LYSMD4: variants seen among roughly 807,000 people sequenced by gnomAD.
LYSMD4 encodes LysM domain containing 4.
In LYSMD4, 9 loss-of-function variants were observed where a neutral mutation model predicts 6.1. The observed-to-expected ratio is 1.47, with a 90% CI of 0.88 to 2.56. The LOEUF (loss-of-function observed/expected upper bound fraction) is 2.56, where lower values mean the gene tolerates loss of function less well. LYSMD4 is among the 30% of genes most tolerant of loss of function. LYSMD4 has a pLI of 0.00. For missense variants in LYSMD4, 384 were observed against 373.5 expected, an observed-to-expected ratio of 1.03 and a Z score of -0.23; for synonymous variants, 143 against 148.5, an observed-to-expected ratio of 0.96 and a Z score of 0.27.
upstream of LYSMD4, chr15:99,717,856 T>C (rs1261469071): frequency 1.3e-5 from 2 of 152,220 alleles, no homozygotes; most frequent in Non-Finnish European, 2.9e-5. Flanking sequence ...TACTGACTGG[T>C]TTCACTACAC....
At chr15:99,725,400 T>C (rs548098169), downstream of LYSMD4, among the ~76,000 whole-genome samples, 58 of 152,324 alleles carry the variant, frequency 3.8e-4, no homozygotes, top group African/African-American at 1.3e-3. Context: ...GGATTACCAA[T>C]AAATAGCATG....
chr15:99,720,342 C>T (rs1347860360), upstream of LYSMD4, among the ~76,000 whole-genome samples: 3 of 152,084 alleles, frequency 2.0e-5, no homozygotes, highest in Non-Finnish European at 4.4e-5. Context: ...TCTCTATGGC[C>T]AGGTGTGGTG....
downstream of LYSMD4, chr15:99,727,312 T>A (rs1236367271): frequency 6.6e-6 from 1 of 151,950 alleles, no homozygotes; most frequent in African/African-American, 2.4e-5. Flanking sequence ...GAGGTGGAGG[T>A]TGCAGTGAGC....
upstream of LYSMD4, among the ~76,000 whole-genome samples, chr15:99,719,451 C>T (rs73482433): frequency 8.8e-3 from 1,342 of 152,294 alleles, 20 homozygotes; most frequent in African/African-American, 0.031. Context: ...TTCCTATCCC[C>T]GCCTCTCTCA....
chr15:99,724,982 G>C (rs1191405660), downstream of LYSMD4, among the ~76,000 whole-genome samples: 2 of 152,166 alleles, frequency 1.3e-5, no homozygotes, highest in Non-Finnish European at 2.9e-5. Context: ...CAGACTTGGA[G>C]AACAGGCAAG....
chr15:99,731,329 A>C (rs1490869578), intron 2 of LYSMD4: 1 of 1,606,816 alleles, frequency 6.2e-7, no homozygotes, highest in Non-Finnish European at 8.5e-7. Flanking sequence ...GGTTCAGAAA[A>C]ATAAGAGCAG....
In LYSMD4 at chr15:99,728,796, T is replaced by C. The variant is rs929901611; in HGVS notation, c.*327A>G. 3 of 328,834 alleles carry C rather than the reference T, an allele frequency of 9.1e-6. No individual in the cohort carries two copies. Among genetic ancestry groups the C allele is most frequent in the African/African-American group, 2.1e-5 (1 of 48,222 alleles). 20.4% of individuals were successfully genotyped at this position (328,834 alleles called of 1,614,324 possible). On this transcript the variant is annotated 3_prime_UTR_variant, in exon 3 of 3. Transcript: ENST00000684762. ...GCTGCAGGTCCCTCGACAGAGGCCA[T>C]AAATCTTTCCCTCCGAGCACGTCCA...
Position 99,728,816 on chromosome 15 carries a change from C to T in LYSMD4, c.*307G>A, listed in dbSNP as rs899354759. ...GGCCATAAATCTTTCCCTCCGAGCA[C>T]GTCCAACTTGGGGGTCCTCACAGTG... On this transcript the variant is annotated 3_prime_UTR_variant, in exon 3 of 3. Transcript: ENST00000684762. 2 of 370,272 alleles carry T rather than the reference C, an allele frequency of 5.4e-6. No individual in the cohort carries two copies. The highest frequency in any genetic ancestry group is 3.6e-5 in the South Asian group (1 of 27,564). The allele number at this position is 370,272 out of a possible 1,614,324, so 22.9% of individuals were successfully genotyped here. A position where few individuals can be genotyped will look rare whatever the true frequency, so the allele number is the denominator to read the frequency against.
chr15:99,719,812 T>A (rs1454290081), upstream of LYSMD4, among the ~76,000 whole-genome samples: 2 of 152,238 alleles, frequency 1.3e-5, no homozygotes, highest in African/African-American at 4.8e-5. Flanking sequence ...AATTTGCATT[T>A]CCTCCAGCGG....
chr15:99,726,219 C>T (rs1216176883), downstream of LYSMD4, among the ~76,000 whole-genome samples: 2 of 145,710 alleles, frequency 1.4e-5, no homozygotes, highest in Non-Finnish European at 3.0e-5. Context: ...TCTCGGCTCA[C>T]TGCAACCTCT....
rs777742053 is a variant in LYSMD4, at chr15:99,729,549, T to G, written c.465A>C (p.Ala155=). The G allele has an allele frequency of 1.9e-6, 3 of 1,614,158 alleles. No homozygotes were observed. The highest frequency in any genetic ancestry group is 1.7e-5 in the Admixed American group (1 of 60,026). The change falls in exon 3 of 3, where the codon GCA becomes GCC. Residue 155 remains alanine (A), a synonymous_variant. Coordinates refer to ENST00000684762, the MANE Select transcript of LYSMD4 (RefSeq NM_001284417.2). ...VTVELPEADR[A]GAGTGAQAGQ... ...CGGCCTGGGCACCGGTGCCCGCGCC[T>G]GCTCTGTCTGCCTCTGGCAGTTCCA...
exon 1 of LYSMD4, chr15:99,716,504 A>G: frequency 2.2e-6 from 1 of 456,830 alleles, no homozygotes. Context: ...AGACTCTGTC[A>G]TGTTTGCCTG....
In LYSMD4 at chr15:99,728,196, C is replaced by G. The variant is rs954865664; in HGVS notation, c.*927G>C. 2.0e-5 allele frequency: 3 copies of G among 152,480 alleles called. No individual in the cohort carries two copies. The highest frequency in any genetic ancestry group is 7.2e-5 in the African/African-American group (3 of 41,460). 9.4% of individuals were successfully genotyped at this position (152,480 alleles called of 1,614,324 possible). On this transcript the variant is annotated 3_prime_UTR_variant, in exon 3 of 3. Coordinates refer to ENST00000684762, the MANE Select transcript of LYSMD4 (RefSeq NM_001284417.2). Reference sequence around the variant, plus strand: ...CACTCTGGAGCTCCGAAGAACTGAGCCAGGGAAGCAGCAGGGGGAGCGCCC... The same window carrying G: ...CACTCTGGAGCTCCGAAGAACTGAGGCAGGGAAGCAGCAGGGGGAGCGCCC...
At chr15:99,719,305 G>C (rs1014641285), upstream of LYSMD4, among the ~76,000 whole-genome samples, 2 of 151,984 alleles carry the variant, frequency 1.3e-5, no homozygotes, top group African/African-American at 4.8e-5. Flanking sequence ...TTTCACTTTC[G>C]GCACCCTCCC....
chr15:99,727,430 T>A lies in LYSMD4; in HGVS notation c.*1693A>T, dbSNP rs1193460621. 1 of 152,162 alleles carries A rather than the reference T, an allele frequency of 6.6e-6. No homozygotes were observed. The highest frequency in any genetic ancestry group is 1.9e-4 in the East Asian group (1 of 5,194). 9.4% of individuals were successfully genotyped at this position (152,162 alleles called of 1,614,324 possible). On this transcript the variant is annotated 3_prime_UTR_variant, in exon 3 of 3. Coordinates refer to ENST00000684762, the MANE Select transcript of LYSMD4 (RefSeq NM_001284417.2). ...TTTTCCTCCACAGAAGAAATAATTT[T>A]ATTCCATTTGAGAAAAGTAAAGGAT...
In LYSMD4 at chr15:99,731,992, T is replaced by G. The variant is rs1450944802; in HGVS notation, c.8A>C (p.His3Pro). The G allele has an allele frequency of 6.4e-7, 1 of 1,563,376 alleles. No homozygotes were observed. The highest frequency in any genetic ancestry group is 1.4e-5 in the African/African-American group (1 of 74,036). MR[H>P]EELLTKTFQG... ...GAAGGTCTTGGTTAACAATTCCTCG[T>G]GCCTCATTTTCTTCACTGAAAATCA... The change falls in exon 2 of 3, where the codon CAC becomes CCC. Residue 3 changes from histidine to proline, a missense_variant. Coordinates refer to ENST00000684762, the MANE Select transcript of LYSMD4 (RefSeq NM_001284417.2).
At chr15:99,719,668 G>T (rs2153867861), upstream of LYSMD4, among the ~76,000 whole-genome samples, 1 of 152,306 alleles carries the variant, frequency 6.6e-6, no homozygotes, top group Non-Finnish European at 1.5e-5. Flanking sequence ...AGTCGTCAAT[G>T]AATAGCCCTA....
chr15:99,732,910 T>A (rs1384433267), intron 1 of LYSMD4: 1 of 156,440 alleles, frequency 6.4e-6, no homozygotes, highest in Non-Finnish European at 1.4e-5. Flanking sequence ...CCGGCGGTCC[T>A]CGGGGGGTTG....
At chr15:99,731,253 A>C (rs1051652528) in intron 2 of LYSMD4, 40 of 1,604,426 alleles carry the variant, frequency 2.5e-5, no homozygotes, top group Non-Finnish European at 3.2e-5. Flanking sequence ...CATACAAAAG[A>C]CCATGCAGTT....
Sources: gnomAD v4.1 joint callset for allele counts (sites outside exome capture counted in the v4.1 genomes callset) on GRCh38, gnomAD v4.1.1 for gene constraint, MANE v1.5 for transcripts, NCBI Gene and HGNC (gene_info 2026-07-23, HGNC 2026-07-21) for gene names.